PPP1CB: variants seen among roughly 807,000 people sequenced by gnomAD.
PPP1CB encodes the protein protein phosphatase 1 catalytic subunit beta.
PPP1CB carries 2 observed loss-of-function variants against 43.7 expected under a neutral mutation model. The observed-to-expected ratio is 0.05, with a 90% confidence interval of 0.02 to 0.14. The LOEUF is 0.14. Ranked by LOEUF, PPP1CB falls within the 10% of genes least tolerant of loss-of-function variation. PPP1CB has a pLI of 1.00. For synonymous variants in PPP1CB, 136 were observed against 135.6 expected (o/e 1.00, Z -0.02); for missense variants, 84 against 398.0 (o/e 0.21, Z 6.71).
chr2:28,759,651 C>G (rs1226057287), intron 1 of PPP1CB, among the ~76,000 whole-genome samples: 1 of 146,378 alleles, frequency 6.8e-6, no homozygotes, highest in Non-Finnish European at 1.5e-5. Flanking sequence ...GAGTTTCGCT[C>G]TTGTTGCCCA....
In PPP1CB at chr2:28,751,861, T is replaced by TGGC. The variant is rs1290213371; in HGVS notation, c.-260_-258dup. 7.5e-6 allele frequency: 4 copies of TGGC among 531,022 alleles called. No individual in the cohort carries two copies. Among genetic ancestry groups the TGGC allele is most frequent in the South Asian group, 5.7e-5 (3 of 52,192 alleles). 32.9% of individuals were successfully genotyped at this position (531,022 alleles called of 1,614,324 possible). ...CTGGGCGGTGCCGAGGAGGAGGAGG[T>TGGC]GGCGGCCTGGGTCTGACGCGGCCCT... On this transcript the variant is annotated 5_prime_UTR_variant, in exon 1 of 8. Transcript: ENST00000395366.
intron 4 of PPP1CB, 48 bp downstream of exon 4, chr2:28,781,890 C>A: frequency 8.2e-7 from 1 of 1,214,554 alleles, no homozygotes; most frequent in South Asian, 1.2e-5. Flanking sequence ...TTCTATTATT[C>A]GGAAAATACC....
intron 1 of PPP1CB, among the ~76,000 whole-genome samples, chr2:28,770,832 A>G (rs750685805): frequency 6.6e-6 from 1 of 152,208 alleles, no homozygotes; most frequent in Non-Finnish European, 1.5e-5. Context: ...ATGCTATACC[A>G]TAAAGCACCC....
chr2:28,752,468 C>T (rs1410722578), intron 1 of PPP1CB, among the ~76,000 whole-genome samples: 2 of 152,198 alleles, frequency 1.3e-5, no homozygotes, highest in Non-Finnish European at 2.9e-5. Flanking sequence ...GGGAGACAGC[C>T]TTTCGGAAAG....
intron 1 of PPP1CB, among the ~76,000 whole-genome samples, chr2:28,762,908 A>G (rs1666688919): frequency 6.6e-6 from 1 of 152,234 alleles, no homozygotes; most frequent in South Asian, 2.1e-4. Context: ...GCTGATTACA[A>G]GGTTTCTAGA....
chr2:28,788,611 A>C, intron 5 of PPP1CB, 47 bp from the exon 6 acceptor site: 1 of 1,576,304 alleles, frequency 6.3e-7, no homozygotes, highest in Non-Finnish European at 8.7e-7. Flanking sequence ...TATATTCTAT[A>C]AATCTGTAAA....
intron 7 of PPP1CB, among the ~76,000 whole-genome samples, chr2:28,797,413 A>G (rs72784031): frequency 0.12 from 17,926 of 151,678 alleles, 1,297 homozygotes; most frequent in Middle Eastern, 0.25. Context: ...TTTTTGGTTT[A>G]TAGGTTTTTT....
chr2:28,752,009 C>T lies in PPP1CB; in HGVS notation c.-116C>T, dbSNP rs1371986814. ...GGCCCGGGAAAAGGGGGAGTTGGAGCCGGGGTCGAAACGCCGCGTGACTTG... is the reference window on the plus strand; with the variant it reads ...GGCCCGGGAAAAGGGGGAGTTGGAGTCGGGGTCGAAACGCCGCGTGACTTG... On this transcript the variant is annotated 5_prime_UTR_variant, in exon 1 of 8. Coordinates refer to ENST00000395366, the MANE Select transcript of PPP1CB (RefSeq NM_002709.3). The T allele has an allele frequency of 2.0e-6, 2 of 990,558 alleles. No individual in the cohort carries two copies. Among genetic ancestry groups the T allele is most frequent in the South Asian group, 1.4e-5 (1 of 72,806 alleles). 61.4% of individuals were successfully genotyped at this position (990,558 alleles called of 1,614,324 possible). A position where few individuals can be genotyped will look rare whatever the true frequency, so the allele number is the denominator to read the frequency against.
At chr2:28,766,352 C>T (rs1400744008) in intron 1 of PPP1CB, among the ~76,000 whole-genome samples, 1 of 152,124 alleles carries the variant, frequency 6.6e-6, no homozygotes, top group African/African-American at 2.4e-5. Context: ...TGAAGTTGAC[C>T]ATTGATGCCT....
At chr2:28,784,917 CAAAAAA>C (rs869155670) in intron 5 of PPP1CB, among the ~76,000 whole-genome samples, 127 of 79,110 alleles carry the variant, frequency 1.6e-3, no homozygotes, top group African/African-American at 3.3e-3. Flanking sequence ...GAAACTGTCT[CAAAAAA>C]AAAAAAAAAA....
chr2:28,754,661 G>C (rs998468040), intron 1 of PPP1CB, among the ~76,000 whole-genome samples: 2 of 152,162 alleles, frequency 1.3e-5, no homozygotes, highest in East Asian at 1.9e-4. Flanking sequence ...TGAAAGACTT[G>C]TCCAGAGCAG....
intron 1 of PPP1CB, among the ~76,000 whole-genome samples, chr2:28,761,301 A>C (rs981173865): frequency 2.6e-5 from 4 of 152,214 alleles, no homozygotes; most frequent in Non-Finnish European, 5.9e-5. Context: ...ACTCCCAACT[A>C]CTAGAATTAT....
chr2:28,794,885 A>C (rs1667466982), intron 7 of PPP1CB, among the ~76,000 whole-genome samples: 1 of 152,094 alleles, frequency 6.6e-6, no homozygotes, highest in African/African-American at 2.4e-5. Flanking sequence ...CAGGGGTTAC[A>C]TGTGCAGGTT....
rs972737473 is a variant in PPP1CB, at chr2:28,799,810, C to T, written c.*507C>T. The T allele has an allele frequency of 6.6e-6, 1 of 152,350 alleles. No individual in the cohort carries two copies. Among genetic ancestry groups the T allele is most frequent in the Non-Finnish European group, 1.5e-5 (1 of 67,952 alleles). The allele number at this position is 152,350 out of a possible 1,614,324, so 9.4% of individuals were successfully genotyped here. A position where few individuals can be genotyped will look rare whatever the true frequency, so the allele number is the denominator to read the frequency against. ...AGACATTCACCAACTATTATTTTCC[C>T]TTGTTTATCTACTTAGATATCTGTT... On this transcript the variant is annotated 3_prime_UTR_variant, in exon 8 of 8. Transcript: ENST00000395366.
At chr2:28,757,023 G>A (rs1253345617) in intron 1 of PPP1CB, among the ~76,000 whole-genome samples, 1 of 152,010 alleles carries the variant, frequency 6.6e-6, no homozygotes, top group African/African-American at 2.4e-5. Context: ...AAAAAACCCT[G>A]TTCCCGGTAG....
chr2:28,777,715 C>T (rs1667070936), intron 2 of PPP1CB, among the ~76,000 whole-genome samples: 1 of 152,298 alleles, frequency 6.6e-6, no homozygotes, highest in Non-Finnish European at 1.5e-5. Flanking sequence ...TACAATGGCA[C>T]AATCTTGGCT....
intron 5 of PPP1CB, among the ~76,000 whole-genome samples, chr2:28,787,328 G>A (rs534443712): frequency 4.6e-5 from 7 of 152,056 alleles, no homozygotes; most frequent in Admixed American, 1.3e-4. Context: ...GCGTGGTAGC[G>A]GGCACCTGTA....
At chr2:28,772,524 C>T (rs1170163551) in intron 1 of PPP1CB, among the ~76,000 whole-genome samples, 2 of 152,150 alleles carry the variant, frequency 1.3e-5, no homozygotes, top group African/African-American at 4.8e-5. Context: ...CTGACCCGAG[C>T]AGTTCTACTG....
In PPP1CB at chr2:28,759,938, T is replaced by TA. The variant is rs528184407; in HGVS notation, c.52+7768dup. Among the ~76,000 whole-genome samples, 78 of 114,306 alleles carry TA rather than the reference T, an allele frequency of 6.8e-4. 1 individual carries two copies. In the East Asian group the frequency reaches 0.01, roughly 15 times the overall value. The allele number at this position is 114,306 out of a possible 152,430, so 75.0% of individuals were successfully genotyped here. ...AGGGCCCTGGAATATATTCTTATTT[T>TA]AAAAAACTAGTTAAAACCGACTCAG... On this transcript the variant is annotated intron_variant, in intron 1 of 7. Transcript: ENST00000395366.
Sources: gnomAD v4.1 joint callset for allele counts (sites outside exome capture counted in the v4.1 genomes callset) on GRCh38, gnomAD v4.1.1 for gene constraint, MANE v1.5 for transcripts, NCBI Gene and HGNC (gene_info 2026-07-23, HGNC 2026-07-21) for gene names.